The following CA8 variants were observed in gnomAD, a reference collection of about 807,000 sequenced individuals.
CA8 encodes the protein carbonic anhydrase-related protein.
In CA8, 22 loss-of-function variants were observed where a neutral mutation model predicts 41.4. That is an observed-to-expected ratio of 0.53 (90% CI 0.38 to 0.76). The LOEUF (loss-of-function observed/expected upper bound fraction) is 0.76. CA8 is among the 30% of genes least tolerant of loss of function. CA8 has a pLI of 0.00. For synonymous variants in CA8, 121 were observed against 130.6 expected, an observed-to-expected ratio of 0.93 and a Z score of 0.50; for missense variants, 270 against 352.8, an observed-to-expected ratio of 0.77 and a Z score of 1.88.
chr8:60,229,170 T>TG (rs60554787), intron 4 of CA8, among the ~76,000 whole-genome samples: 1 of 151,888 alleles, frequency 6.6e-6, no homozygotes, highest in African/African-American at 2.4e-5. Context: ...GTTTTTTTTT[T>TG]GTTTTTTACT....
At chr8:60,208,971 A>C (rs1806737674) in intron 7 of CA8, 52 bp from the exon 8 acceptor site, 1 of 1,575,434 alleles carries the variant, frequency 6.3e-7, no homozygotes, top group Non-Finnish European at 8.7e-7. Flanking sequence ...GACATTAACA[A>C]GATTGGAGTT....
intron 3 of CA8, among the ~76,000 whole-genome samples, chr8:60,248,165 G>A (rs1808316651): frequency 1.3e-5 from 2 of 151,696 alleles, no homozygotes. Context: ...CTTGTCAGAT[G>A]GGCAGATTTC....
intron 3 of CA8, among the ~76,000 whole-genome samples, chr8:60,258,804 A>G (rs1803638228): frequency 6.6e-6 from 1 of 152,100 alleles, no homozygotes; most frequent in African/African-American, 2.4e-5. Flanking sequence ...TCATGCTCCT[A>G]TGAAAATTTA....
Position 60,189,108 on chromosome 8 carries a change from ATAT to A in CA8, c.*910_*912del, listed in dbSNP as rs1418757436. 2.0e-5 allele frequency: 3 copies of A among 152,188 alleles called. No homozygotes were observed. The highest frequency in any genetic ancestry group is 4.4e-5 in the Non-Finnish European group (3 of 68,032). The allele number at this position is 152,188 out of a possible 1,614,324, so 9.4% of individuals were successfully genotyped here. A position where few individuals can be genotyped will look rare whatever the true frequency, so the allele number is the denominator to read the frequency against. On this transcript the variant is annotated 3_prime_UTR_variant, in exon 9 of 9. Transcript: ENST00000317995. ...TCTGCTAGTGGCACCTAAAATAAGGATATTGTTGGTCATCTTTAAAGAAATGTC... is the reference window on the plus strand; with the variant it reads ...TCTGCTAGTGGCACCTAAAATAAGGATGTTGGTCATCTTTAAAGAAATGTC...
At chr8:60,253,650 C>T (rs1241902482) in intron 3 of CA8, among the ~76,000 whole-genome samples, 1 of 152,140 alleles carries the variant, frequency 6.6e-6, no homozygotes, top group Non-Finnish European at 1.5e-5. Context: ...TTAGGCCCTC[C>T]TCAACTTGAC....
At chr8:60,207,556 G>T (rs1806670823) in intron 8 of CA8, among the ~76,000 whole-genome samples, 1 of 152,008 alleles carries the variant, frequency 6.6e-6, no homozygotes, top group Non-Finnish European at 1.5e-5. Context: ...CTCCATCCAG[G>T]GTTTCCAAAG....
chr8:60,278,778 CA>C (rs1394521074), intron 2 of CA8, among the ~76,000 whole-genome samples: 1 of 152,164 alleles, frequency 6.6e-6, no homozygotes, highest in Non-Finnish European at 1.5e-5. Flanking sequence ...AGCTGGAAAT[CA>C]ACAGCTGCCT....
chr8:60,222,109 T>C (rs1032987734), intron 7 of CA8, among the ~76,000 whole-genome samples: 2 of 152,212 alleles, frequency 1.3e-5, no homozygotes, highest in Non-Finnish European at 2.9e-5. Context: ...GACAATTCAG[T>C]TGGATGCTCC....
At chr8:60,231,522 T>G (rs1807647105) in intron 4 of CA8, among the ~76,000 whole-genome samples, 1 of 152,180 alleles carries the variant, frequency 6.6e-6, no homozygotes. Flanking sequence ...GCTAACATGC[T>G]CTAATCCCAG....
At chr8:60,229,356 C>T (rs62511583) in intron 4 of CA8, among the ~76,000 whole-genome samples, 22,747 of 152,162 alleles carry the variant, frequency 0.15, 1,819 homozygotes, top group South Asian at 0.23. Flanking sequence ...GGGAGACAGA[C>T]TGGGGTCCAT....
chr8:60,200,900 AATCTTGTATTTATT>A (rs377740797), intron 8 of CA8, among the ~76,000 whole-genome samples: 17 of 147,006 alleles, frequency 1.2e-4, no homozygotes, highest in African/African-American at 3.4e-4. Context: ...ATTTTTATTT[AATCTTGTATTTATT>A]ATCTTGTATT....
At chr8:60,229,330 G>A (rs1341670253) in intron 4 of CA8, among the ~76,000 whole-genome samples, 1 of 152,126 alleles carries the variant, frequency 6.6e-6, no homozygotes, top group African/African-American at 2.4e-5. Context: ...TCAAGTGGAC[G>A]CCATGCAGTC....
Position 60,265,973 on chromosome 8 carries a change from G to C in CA8, c.369C>G (p.Asn123Lys). 6.2e-7 allele frequency: 1 copy of C among 1,614,002 alleles called. No homozygotes were observed. Among genetic ancestry groups the C allele is most frequent in the Non-Finnish European group, 8.5e-7 (1 of 1,179,894 alleles). The change falls in exon 3 of 9, where the codon AAC becomes AAG. Residue 123 changes from asparagine to lysine, a missense_variant. Coordinates refer to ENST00000317995, the MANE Select transcript of CA8 (RefSeq NM_004056.6). Reference protein sequence around the residue: ...YEVRFHWGRENQRGSEHTVNF... With the variant: ...YEVRFHWGREKQRGSEHTVNF... ...TAACCGTGTGCTCAGAACCACGCTG[G>C]TTTTCTCTTCCCCAGTGAAATCTCA...
At chr8:60,192,278 C>T (rs1427285724) in intron 8 of CA8, among the ~76,000 whole-genome samples, 1 of 152,150 alleles carries the variant, frequency 6.6e-6, no homozygotes, top group East Asian at 1.9e-4. Flanking sequence ...CCCAGCTCTT[C>T]TATCCAATTT....
chr8:60,204,403 T>C (rs1806519610), intron 8 of CA8, among the ~76,000 whole-genome samples: 1 of 152,238 alleles, frequency 6.6e-6, no homozygotes, highest in Admixed American at 6.5e-5. Flanking sequence ...TTTGTTTTAA[T>C]TCATAGTGGG....
At position 60,279,825 on chromosome 8, in the gene CA8, A is replaced by G. The variant is rs1326014387; in HGVS notation, c.156T>C (p.Ile52=). 6.2e-7 allele frequency: 1 copy of G among 1,614,052 alleles called. No homozygotes were observed. The highest frequency in any genetic ancestry group is 8.5e-7 in the Non-Finnish European group (1 of 1,179,974). The change falls in exon 2 of 9, where the codon ATT becomes ATC. Residue 52 remains isoleucine (I), a synonymous_variant. Coordinates refer to ENST00000317995, the MANE Select transcript of CA8 (RefSeq NM_004056.6). ...PDANGEYQSP[I]NLNSREARYD... ...ACCTAGCCTCTCTTGAGTTTAGGTT[A>G]ATAGGAGACTGGTATTCCCCATTAG...
intron 3 of CA8, among the ~76,000 whole-genome samples, chr8:60,251,569 G>A (rs757708097): frequency 2.0e-5 from 3 of 152,090 alleles, no homozygotes; most frequent in African/African-American, 4.8e-5. Flanking sequence ...GCTCAAAATC[G>A]CAGTTCATGC....
intron 6 of CA8, among the ~76,000 whole-genome samples, chr8:60,223,286 A>G (rs1304558964): frequency 6.6e-6 from 1 of 151,574 alleles, no homozygotes; most frequent in African/African-American, 2.4e-5. Context: ...TGGCTTCATA[A>G]CCTGTATTTT....
chr8:60,232,357 G>T lies in CA8; in HGVS notation c.440C>A (p.Ser147Tyr). Residue 147 changes from serine (S) to tyrosine (Y), a missense_variant, in exon 4 of 9, where the codon TCC becomes TAC. Physicochemically the swap from Ser to Tyr is moderately radical, Grantham distance 144. This residue lies in a region of CA8 where 141 missense variants were observed against 191.6 expected (regional missense o/e 0.74). Coordinates refer to ENST00000317995, the MANE Select transcript of CA8 (RefSeq NM_004056.6). ...PMELHLIHWNSTLFGSIDEAV... is the reference protein window; with the variant it reads ...PMELHLIHWNYTLFGSIDEAV... Reference sequence around the variant, plus strand: ...CTCATCAATGCTGCCAAACAGAGTGGAGTTCCAGTGGATCAGATGGAGCTG... The same window carrying T: ...CTCATCAATGCTGCCAAACAGAGTGTAGTTCCAGTGGATCAGATGGAGCTG... 1 of 1,613,778 alleles carries T rather than the reference G, an allele frequency of 6.2e-7. No homozygotes were observed. The highest frequency in any genetic ancestry group is 2.2e-5 in the East Asian group (1 of 44,884).
Sources: gnomAD v4.1 joint callset for allele counts (sites outside exome capture counted in the v4.1 genomes callset) on GRCh38, gnomAD v4.1.1 for gene constraint, gnomAD v4.1.1 regional missense constraint, MANE v1.5 for transcripts, NCBI Gene and HGNC (gene_info 2026-07-23, HGNC 2026-07-21) for gene names.